GFOD2: variants seen among roughly 807,000 people sequenced by gnomAD.
The protein encoded by GFOD2 is Gfo/Idh/MocA-like oxidoreductase domain containing 2.
A neutral mutation model predicts 24.6 loss-of-function variants in GFOD2; 9 were observed. That is an observed-to-expected ratio of 0.37 (90% CI 0.22 to 0.64). The LOEUF (loss-of-function observed/expected upper bound fraction) is 0.64. Ranked by LOEUF, GFOD2 falls within the 30% of genes least tolerant of loss-of-function variation. The pLI, the probability that GFOD2 is intolerant of heterozygous loss-of-function variation, is 0.65. For missense variants in GFOD2, 476 were observed against 532.5 expected (o/e 0.89, Z 1.04); for synonymous variants, 211 against 224.8 (o/e 0.94, Z 0.55).
chr16:67,700,152 T>G (rs1033864224), intron 1 of GFOD2, among the ~76,000 whole-genome samples: 1 of 151,840 alleles, frequency 6.6e-6, no homozygotes, highest in East Asian at 2.0e-4. Flanking sequence ...GGTGGGCAGA[T>G]TGCCTGAGCT....
At chr16:67,696,347 C>T (rs978294367) in intron 1 of GFOD2, among the ~76,000 whole-genome samples, 17 of 149,192 alleles carry the variant, frequency 1.1e-4, no homozygotes, top group African/African-American at 4.2e-4. Flanking sequence ...TGATCTATTA[C>T]GTATCTATGA....
intron 1 of GFOD2, among the ~76,000 whole-genome samples, chr16:67,695,300 A>C (rs1468466550): frequency 6.6e-6 from 1 of 151,608 alleles, no homozygotes; most frequent in African/African-American, 2.4e-5. Flanking sequence ...CCCAGCCACC[A>C]TCTCTCTCTT....
chr16:67,683,929 T>C (rs184628174), intron 2 of GFOD2: 77 of 1,068,574 alleles, frequency 7.2e-5, no homozygotes, highest in South Asian at 2.3e-4. Context: ...TGTGACTATG[T>C]CTTCTGTCAT....
intron 2 of GFOD2, chr16:67,681,687 G>A (rs2142992972): frequency 1.0e-6 from 1 of 979,118 alleles, no homozygotes; most frequent in African/African-American, 1.8e-5. Flanking sequence ...TGGATTAGAG[G>A]TGTGAGGCAC....
In GFOD2 at chr16:67,675,382, C is replaced by T; in HGVS notation, c.931G>A (p.Val311Met). 1 of 1,613,384 alleles carries T rather than the reference C, an allele frequency of 6.2e-7. No homozygotes were observed. Among genetic ancestry groups the T allele is most frequent in the South Asian group, 1.1e-5 (1 of 91,068 alleles). ...TGGAAGGACTGGCGCAAGGCCTGCA[C>T]CATGTAGACCATGCCCTTCAGGTAC... is the stretch of plus-strand genomic sequence containing the variant. ...LLYLKGMVYM[V>M]QALRQSFQGQ... The change falls in exon 3 of 3, where the codon GTG becomes ATG. Residue 311 changes from valine to methionine, a missense_variant. Val to Met is a conservative substitution (Grantham distance 21). Coordinates refer to ENST00000268797, the MANE Select transcript of GFOD2 (RefSeq NM_030819.4).
At chr16:67,683,536 G>T in intron 2 of GFOD2, 2 of 1,231,722 alleles carry the variant, frequency 1.6e-6, no homozygotes, top group South Asian at 8.2e-5. Context: ...AGCATTTGGT[G>T]ACCAATGAAT....
At chr16:67,705,251 AG>A (rs1404925788) in intron 1 of GFOD2, among the ~76,000 whole-genome samples, 1 of 152,166 alleles carries the variant, frequency 6.6e-6, no homozygotes, top group African/African-American at 2.4e-5. Context: ...TTTGTTGCAC[AG>A]GCTGGAGTGC....
At chr16:67,694,021 C>G (rs2053337499) in intron 1 of GFOD2, among the ~76,000 whole-genome samples, 1 of 151,900 alleles carries the variant, frequency 6.6e-6, no homozygotes, top group Non-Finnish European at 1.5e-5. Flanking sequence ...GAGTCTTGCT[C>G]TATCACCCAG....
At chr16:67,703,297 GGAGGCT>G (rs1478142314) in intron 1 of GFOD2, among the ~76,000 whole-genome samples, 1 of 152,160 alleles carries the variant, frequency 6.6e-6, no homozygotes, top group East Asian at 1.9e-4. Context: ...CAGCCACTTG[GGAGGCT>G]GAGGCAGGAG....
intron 1 of GFOD2, among the ~76,000 whole-genome samples, chr16:67,686,699 G>A (rs555210556): frequency 3.3e-5 from 5 of 152,090 alleles, no homozygotes; most frequent in African/African-American, 9.6e-5. Flanking sequence ...AGCCAGGTGT[G>A]GTGGCAGATG....
At chr16:67,703,276 G>A (rs2053416637) in intron 1 of GFOD2, among the ~76,000 whole-genome samples, 2 of 152,152 alleles carry the variant, frequency 1.3e-5, no homozygotes, top group Non-Finnish European at 2.9e-5. Context: ...GGTGGCGCAT[G>A]CCTGTAATCC....
At chr16:67,717,080 G>A (rs985597497) in intron 1 of GFOD2, among the ~76,000 whole-genome samples, 1 of 152,094 alleles carries the variant, frequency 6.6e-6, no homozygotes, top group Non-Finnish European at 1.5e-5. Context: ...ATTTTTAGTA[G>A]AGACGGGGTT....
In GFOD2 at chr16:67,675,740, G is replaced by T. The variant is rs2053179956; in HGVS notation, c.573C>A (p.Gly191=). The stretch of plus-strand genomic sequence containing the variant: ...GCCCGTGCACCTTCTCGGCTCTCCG[G>T]CCGGTCAGGTGGGTCAGCAGGTCCA... ...YIVDLLTHLT[G]RRAEKVHGLL... Residue 191 remains glycine, a synonymous_variant, in exon 3 of 3, where the codon GGC becomes GGA. Transcript: ENST00000268797. The T allele has an allele frequency of 6.2e-7, 1 of 1,614,108 alleles. No homozygotes were observed. Among genetic ancestry groups the T allele is most frequent in the Non-Finnish European group, 8.5e-7 (1 of 1,180,032 alleles).
At chr16:67,681,943 G>GCCCC in intron 2 of GFOD2, 1 of 940,412 alleles carries the variant, frequency 1.1e-6, no homozygotes, top group Non-Finnish European at 1.3e-6. Flanking sequence ...ACTTTGGGGG[G>GCCCC]CCAAAGTAGG....
intron 2 of GFOD2, chr16:67,682,504 T>C (rs993298940): frequency 2.0e-6 from 2 of 985,152 alleles, no homozygotes; most frequent in African/African-American, 3.5e-5. Context: ...AAGAATAAAA[T>C]ATATTAGGGC....
intron 1 of GFOD2, among the ~76,000 whole-genome samples, chr16:67,710,282 C>T (rs192240026): frequency 1.6e-4 from 25 of 152,008 alleles, no homozygotes; most frequent in Admixed American, 1.2e-3. Flanking sequence ...TGAGCCACCA[C>T]GCCAGCCCTG....
chr16:67,696,133 C>T (rs1470929494), intron 1 of GFOD2, among the ~76,000 whole-genome samples: 2 of 151,900 alleles, frequency 1.3e-5, no homozygotes, highest in African/African-American at 2.4e-5. Context: ...CCTGCCTCAG[C>T]CTTCCAAGTA....
chr16:67,691,603 CCT>C (rs2142994971), intron 1 of GFOD2, among the ~76,000 whole-genome samples: 1 of 151,762 alleles, frequency 6.6e-6, no homozygotes, highest in East Asian at 1.9e-4. Context: ...TCCTGGAACT[CCT>C]CTCTACCCTA....
chr16:67,681,250 C>T (rs988356251), intron 2 of GFOD2: 2 of 985,422 alleles, frequency 2.0e-6, no homozygotes, highest in South Asian at 9.4e-5. Flanking sequence ...TCGCTGCTGG[C>T]GACAGAGTGG....
Sources: gnomAD v4.1 joint callset for allele counts (sites outside exome capture counted in the v4.1 genomes callset) on GRCh38, gnomAD v4.1.1 for gene constraint, MANE v1.5 for transcripts, NCBI Gene and HGNC (gene_info 2026-07-23, HGNC 2026-07-21) for gene names.